Variants in GEMIN5 observed in about 807,000 individuals in gnomAD.
The protein encoded by GEMIN5 is gem-associated protein 5.
GEMIN5 carries 124 observed loss-of-function variants against 176.9 expected under a neutral mutation model. The ratio of observed to expected loss-of-function variants is 0.70; its 90% CI spans 0.61 to 0.81. GEMIN5 has a LOEUF of 0.81. GEMIN5 is among the 40% of genes least tolerant of loss of function. The probability of loss-of-function intolerance (pLI) is 0.00; values close to 1 mark genes in which losing one functional copy is unlikely to be tolerated. For synonymous variants in GEMIN5, 673 were observed against 665.2 expected (o/e 1.01, Z -0.18); for missense variants, 1,843 against 1,814.6 (o/e 1.02, Z -0.28).
At chr5:154,919,916 A>G (rs541140979) in intron 11 of GEMIN5, 51 bp downstream of exon 11, 16 of 1,536,798 alleles carry the variant, frequency 1.0e-5, no homozygotes, top group African/African-American at 4.1e-5. Context: ...TGGGAAACAC[A>G]GAGGGATCTG....
chr5:154,924,622 T>A, intron 8 of GEMIN5, 68 bp from the exon 9 acceptor site: 1 of 917,620 alleles, frequency 1.1e-6, no homozygotes, highest in South Asian at 1.4e-5. Context: ...AATCCTTACA[T>A]TACCCTTTAA....
chr5:154,891,569 CAG>C lies in GEMIN5; in HGVS notation c.3932_3933del (p.Ser1311CysfsTer2), dbSNP rs1561707416. ...GTGTCTAACTGCTGGCTTGGCTCAACAGAGAGTGTTCTGTGACCAGCCCTTAC... is the reference window on the plus strand; with the variant it reads ...GTGTCTAACTGCTGGCTTGGCTCAACAGAGTGTTCTGTGACCAGCCCTTAC... The part of the protein sequence containing the change: ...VWVRAGHRTL[S>X]VEPSQQLDTA... On this transcript the variant is annotated frameshift_variant, in exon 26 of 28. Coordinates refer to ENST00000285873, the MANE Select transcript of GEMIN5 (RefSeq NM_015465.5). LOFTEE classifies it high-confidence loss of function. The C allele has an allele frequency of 1.2e-6, 2 of 1,614,138 alleles. No homozygotes were observed. Among genetic ancestry groups the C allele is most frequent in the East Asian group, 2.2e-5 (1 of 44,880 alleles).
intron 3 of GEMIN5, among the ~76,000 whole-genome samples, chr5:154,932,535 T>A (rs1350121598): frequency 1.3e-5 from 2 of 152,108 alleles, no homozygotes; most frequent in Non-Finnish European, 2.9e-5. Context: ...GGACCATGAT[T>A]TTGTTCTAAG....
rs139330071 is a variant in GEMIN5, at chr5:154,931,518, A to T, written c.721T>A (p.Tyr241Asn). The T allele has an allele frequency of 6.2e-7, 1 of 1,612,774 alleles. No homozygotes were observed. The highest frequency in any genetic ancestry group is 1.3e-5 in the African/African-American group (1 of 74,940). ...VAQAPVTKGC[Y>N]LATGSKDQTI... ...TGATCTTTGCTTCCAGTGGCTAAGT[A>T]GCAACCTTTTGTTACTGGAGCTTGT... The change falls in exon 5 of 28, where the codon TAC becomes AAC. Residue 241 changes from tyrosine to asparagine, a missense_variant. Physicochemically the swap from Tyr to Asn is moderately radical, Grantham distance 143 (BLOSUM62 -2). Coordinates refer to ENST00000285873, the MANE Select transcript of GEMIN5 (RefSeq NM_015465.5).
At chr5:154,931,136 TCTC>T (rs1436924706) in intron 5 of GEMIN5, among the ~76,000 whole-genome samples, 5 of 152,274 alleles carry the variant, frequency 3.3e-5, no homozygotes, top group Non-Finnish European at 5.9e-5. Flanking sequence ...TATTTTCCAT[TCTC>T]CTGGCTTAGG....
At chr5:154,891,202 T>C in intron 26 of GEMIN5, 39 bp downstream of exon 26, 2 of 1,567,880 alleles carry the variant, frequency 1.3e-6, no homozygotes, top group Non-Finnish European at 1.7e-6. Flanking sequence ...GCCAGCAGGG[T>C]CATTTTTCAT....
chr5:154,920,660 T>G (rs760841160), intron 10 of GEMIN5, among the ~76,000 whole-genome samples: 1 of 152,220 alleles, frequency 6.6e-6, no homozygotes, highest in African/African-American at 2.4e-5. Flanking sequence ...AAACATTTGT[T>G]GCATAAATGA....
At chr5:154,936,614 T>C (rs1764274955) in intron 2 of GEMIN5, among the ~76,000 whole-genome samples, 1 of 152,224 alleles carries the variant, frequency 6.6e-6, no homozygotes, top group Admixed American at 6.5e-5. Context: ...AGTAACTATC[T>C]AGCTTAGAAA....
chr5:154,892,569 T>G lies in GEMIN5; in HGVS notation c.3598-20A>C. The G allele has an allele frequency of 6.2e-7, 1 of 1,611,094 alleles. No individual in the cohort carries two copies. Among genetic ancestry groups the G allele is most frequent in the South Asian group, 1.1e-5 (1 of 90,728 alleles). ...CAGGAGCTGGAGAGAGAAGCCAGAGTCTGAGTTAAACATCCTCCCACGGTA... is the reference window on the plus strand; with the variant it reads ...CAGGAGCTGGAGAGAGAAGCCAGAGGCTGAGTTAAACATCCTCCCACGGTA... On this transcript the variant is annotated intron_variant, in intron 24 of 27. Transcript: ENST00000285873.
At chr5:154,936,982 C>T (rs1764282764) in intron 2 of GEMIN5, 43 bp downstream of exon 2, 1 of 1,536,184 alleles carries the variant, frequency 6.5e-7, no homozygotes, top group South Asian at 1.2e-5. Flanking sequence ...ACCCTCAGCA[C>T]AGATAGATAA....
chr5:154,912,709 A>C (rs1349942772), intron 14 of GEMIN5, among the ~76,000 whole-genome samples, 190 bp downstream of exon 14: 2 of 152,034 alleles, frequency 1.3e-5, no homozygotes, highest in Non-Finnish European at 1.5e-5. Flanking sequence ...TAAGTAACAA[A>C]AAAAAAAACC....
At position 154,891,279 on chromosome 5, in the gene GEMIN5, T is replaced by C; in HGVS notation, c.4224A>G (p.Val1408=). ...ANGPDKNEPE[V]EAEQPLCSSQ... is the part of the protein sequence containing the mutation. The stretch of plus-strand genomic sequence containing the variant: ...AACTGCAGAGGGGCTGCTCTGCTTC[T>C]ACTTCCGGTTCATTCTTATCAGGAC... The change falls in exon 26 of 28, where the codon GTA becomes GTG. Residue 1408 remains valine (V), a synonymous_variant. Coordinates refer to ENST00000285873, the MANE Select transcript of GEMIN5 (RefSeq NM_015465.5). The C allele has an allele frequency of 1.2e-6, 2 of 1,614,066 alleles. No homozygotes were observed. The highest frequency in any genetic ancestry group is 1.7e-6 in the Non-Finnish European group (2 of 1,179,950).
intron 15 of GEMIN5, among the ~76,000 whole-genome samples, chr5:154,908,762 C>G (rs1209182017): frequency 6.6e-6 from 1 of 152,198 alleles, no homozygotes; most frequent in East Asian, 1.9e-4. Context: ...TATGAGGTAG[C>G]AGCTAATTTT....
chr5:154,935,922 T>C lies in GEMIN5; in HGVS notation c.428A>G (p.Asp143Gly), dbSNP rs772086886. ...GGGTTCTATAAAGAGGTGCTGGCTG[T>C]CATTTCTGTTAAACCAGTAACAGAA... ...VVFCYWFNRN[D>G]SQHLFIEPRT... The change falls in exon 3 of 28, where the codon GAC (aspartate) becomes GGC (glycine). Residue 143 changes from aspartate to glycine, a missense_variant. Physicochemically the swap from Asp to Gly is moderately conservative, Grantham distance 94. Transcript: ENST00000285873. 1 of 1,613,070 alleles carries C rather than the reference T, an allele frequency of 6.2e-7. No individual in the cohort carries two copies. The highest frequency in any genetic ancestry group is 8.5e-7 in the Non-Finnish European group (1 of 1,179,012).
At chr5:154,906,575 A>T (rs541705327) in intron 16 of GEMIN5, among the ~76,000 whole-genome samples, 7 of 152,074 alleles carry the variant, frequency 4.6e-5, no homozygotes, top group East Asian at 3.9e-4. Flanking sequence ...AAGACTTTTT[A>T]AAAAAAAGAA....
chr5:154,892,517 C>T lies in GEMIN5; in HGVS notation c.3630G>A (p.Leu1210=). Residue 1210 remains leucine (L), a synonymous_variant, in exon 25 of 28, where the codon CTG becomes CTA. Coordinates refer to ENST00000285873, the MANE Select transcript of GEMIN5 (RefSeq NM_015465.5). The part of the protein sequence containing the change: ...LLLHICHDLT[L]AVLSQQMASW... ...AGGCCATCTGTTGGCTCAGCACTGC[C>T]AGGGTCAAGTCATGGCAAATGTGAA... The T allele has an allele frequency of 7.4e-6, 12 of 1,614,142 alleles. No homozygotes were observed. The highest frequency in any genetic ancestry group is 9.3e-6 in the Non-Finnish European group (11 of 1,180,018).
intron 22 of GEMIN5, 88 bp from the exon 23 acceptor site, chr5:154,898,738 C>T: frequency 8.9e-7 from 1 of 1,125,062 alleles, no homozygotes; most frequent in Non-Finnish European, 1.3e-6. Context: ...TTTCTATCTA[C>T]TTTGCTGCAT....
intron 5 of GEMIN5, among the ~76,000 whole-genome samples, chr5:154,930,014 T>A (rs1025853175): frequency 6.6e-6 from 1 of 152,188 alleles, no homozygotes; most frequent in African/African-American, 2.4e-5. Context: ...TATGTTCAAT[T>A]ATTTGGCTTC....
intron 4 of GEMIN5, 94 bp from the exon 5 acceptor site, chr5:154,931,671 CT>C: frequency 5.8e-6 from 6 of 1,028,132 alleles, no homozygotes; most frequent in Admixed American, 4.6e-5. Context: ...ACTTAGCTAT[CT>C]CTTTCATAGG....
Sources: gnomAD v4.1 joint callset for allele counts (sites outside exome capture counted in the v4.1 genomes callset) on GRCh38, gnomAD v4.1.1 for gene constraint, MANE v1.5 for transcripts, NCBI Gene and HGNC (gene_info 2026-07-23, HGNC 2026-07-21) for gene names.